Variants in BCHE observed in about 807,000 individuals in gnomAD.
The protein encoded by BCHE is cholinesterase.
Under a neutral mutation model 51.3 loss-of-function variants are expected in BCHE, and 48 were observed. That is an observed-to-expected ratio of 0.94 (90% CI 0.74 to 1.19). The LOEUF (loss-of-function observed/expected upper bound fraction) is 1.19, where lower values mean the gene tolerates loss of function less well. BCHE is among the 50% of genes most tolerant of loss of function. BCHE has a pLI of 0.00. For synonymous variants in BCHE, 251 were observed against 238.0 expected (o/e 1.05, Z -0.50); for missense variants, 847 against 708.2 (o/e 1.20, Z -2.23).
chr3:165,794,746 A>G (rs998879773), intron 2 of BCHE, among the ~76,000 whole-genome samples: 2 of 152,126 alleles, frequency 1.3e-5, no homozygotes, highest in Non-Finnish European at 2.9e-5. Flanking sequence ...TAGAGCAGAC[A>G]AACATGTGTG....
intron 3 of BCHE, among the ~76,000 whole-genome samples, chr3:165,779,377 C>T (rs1361159056): frequency 2.0e-5 from 3 of 152,112 alleles, no homozygotes; most frequent in Non-Finnish European, 4.4e-5. Context: ...ACAAGGATGC[C>T]GTCTCTCACT....
At chr3:165,833,472 G>T (rs958767459) in intron 1 of BCHE, among the ~76,000 whole-genome samples, 1 of 151,966 alleles carries the variant, frequency 6.6e-6, no homozygotes, top group Non-Finnish European at 1.5e-5. Context: ...GTTAGAAAAT[G>T]GTAACTGTAT....
intron 2 of BCHE, among the ~76,000 whole-genome samples, chr3:165,797,062 C>G (rs986843111): frequency 5.3e-5 from 8 of 152,006 alleles, no homozygotes; most frequent in African/African-American, 1.9e-4. Context: ...ATGAATTGGG[C>G]TGAATACTAA....
At chr3:165,806,421 T>C (rs2108217986) in intron 2 of BCHE, among the ~76,000 whole-genome samples, 1 of 152,328 alleles carries the variant, frequency 6.6e-6, no homozygotes, top group Middle Eastern at 3.4e-3. Flanking sequence ...AGTATAGTTC[T>C]CATTATGTGG....
At chr3:165,813,403 T>C (rs1343927342) in intron 2 of BCHE, among the ~76,000 whole-genome samples, 2 of 151,720 alleles carry the variant, frequency 1.3e-5, no homozygotes, top group Non-Finnish European at 2.9e-5. Flanking sequence ...TTCATCATCT[T>C]ATTCTTTTCC....
rs755117040 is a variant in BCHE, at chr3:165,786,190, A to G, written c.1639T>C (p.Cys547Arg). Residue 547 changes from cysteine to arginine, a missense_variant, in exon 3 of 4, where the codon TGT becomes CGT. By Grantham distance (180) the Cys-to-Arg change is radical (BLOSUM62 -3). Coordinates refer to ENST00000264381, the MANE Select transcript of BCHE (RefSeq NM_000055.4). ...RIMTKLRAQQ[C>R]RFWTSFFPKV... is the part of the protein sequence containing the mutation. Reference sequence around the variant, plus strand: ...GGAAAAAATGATGTCCAGAATCGACATTGTTGAGCACGTAGTTTCGTCATT... The same window carrying G: ...GGAAAAAATGATGTCCAGAATCGACGTTGTTGAGCACGTAGTTTCGTCATT... 1.2e-6 allele frequency: 2 copies of G among 1,612,354 alleles called. No individual in the cohort carries two copies. The highest frequency in any genetic ancestry group is 1.7e-6 in the Non-Finnish European group (2 of 1,178,766).
intron 2 of BCHE, among the ~76,000 whole-genome samples, chr3:165,824,770 GATAA>G (rs1714658020): frequency 6.6e-6 from 1 of 151,512 alleles, no homozygotes; most frequent in South Asian, 2.1e-4. Context: ...AACTGTTAGG[GATAA>G]ATTTAGTTAA....
chr3:165,799,080 CTT>C (rs1713537310), intron 2 of BCHE, among the ~76,000 whole-genome samples: 1 of 152,052 alleles, frequency 6.6e-6, no homozygotes, highest in Non-Finnish European at 1.5e-5. Flanking sequence ...TGACAGATAA[CTT>C]AGAAAACTTT....
intron 2 of BCHE, among the ~76,000 whole-genome samples, chr3:165,820,344 T>C (rs1002434744): frequency 1.3e-5 from 2 of 152,108 alleles, no homozygotes; most frequent in Non-Finnish European, 2.9e-5. Flanking sequence ...TACATTACAC[T>C]AATGGGTATC....
chr3:165,794,948 A>G (rs1713311999), intron 2 of BCHE, among the ~76,000 whole-genome samples: 1 of 152,140 alleles, frequency 6.6e-6, no homozygotes, highest in South Asian at 2.1e-4. Context: ...AGAGAAAATC[A>G]GTCTTATCTA....
At chr3:165,788,976 T>C (rs1713066344) in intron 2 of BCHE, among the ~76,000 whole-genome samples, 1 of 152,182 alleles carries the variant, frequency 6.6e-6, no homozygotes, top group South Asian at 2.1e-4. Context: ...TCTGTCTGTA[T>C]CAATTAAAAG....
chr3:165,807,548 T>TTTTATTTA (rs1553776080), intron 2 of BCHE, among the ~76,000 whole-genome samples: 2 of 150,786 alleles, frequency 1.3e-5, no homozygotes, highest in African/African-American at 4.9e-5. Flanking sequence ...ATTTATTTAT[T>TTTTATTTA]TTTATTTATT....
intron 3 of BCHE, among the ~76,000 whole-genome samples, chr3:165,776,609 G>A (rs1712481285): frequency 6.6e-6 from 1 of 151,726 alleles, no homozygotes; most frequent in Non-Finnish European, 1.5e-5. Context: ...CTTTAAACAA[G>A]ATAAAAATTA....
chr3:165,785,305 A>G (rs1712900964), intron 3 of BCHE, among the ~76,000 whole-genome samples: 1 of 151,860 alleles, frequency 6.6e-6, no homozygotes, highest in South Asian at 2.1e-4. Context: ...CTGATGGCTG[A>G]AAATCAATTA....
chr3:165,790,313 T>C (rs552882551), intron 2 of BCHE, among the ~76,000 whole-genome samples: 1 of 152,244 alleles, frequency 6.6e-6, no homozygotes, highest in East Asian at 1.9e-4. Flanking sequence ...GCTTCTTAGA[T>C]TGGCAATACT....
chr3:165,829,093 T>A (rs1228940073), intron 2 of BCHE, among the ~76,000 whole-genome samples: 1 of 152,106 alleles, frequency 6.6e-6, no homozygotes, highest in Non-Finnish European at 1.5e-5. Context: ...ATACATTACT[T>A]CATGTATCAG....
intron 2 of BCHE, among the ~76,000 whole-genome samples, chr3:165,790,069 GA>G (rs1249050774): frequency 3.9e-5 from 6 of 152,008 alleles, no homozygotes; most frequent in Non-Finnish European, 8.8e-5. Flanking sequence ...GTGTGTGTGT[GA>G]GGGGGGGATG....
At chr3:165,804,273 C>G (rs895614134) in intron 2 of BCHE, among the ~76,000 whole-genome samples, 1 of 151,780 alleles carries the variant, frequency 6.6e-6, no homozygotes, top group Non-Finnish European at 1.5e-5. Flanking sequence ...TAAAAGTGGG[C>G]AATTGGTAGA....
intron 2 of BCHE, among the ~76,000 whole-genome samples, chr3:165,797,763 CCA>C (rs1262234747): frequency 1.3e-5 from 2 of 152,028 alleles, no homozygotes; most frequent in African/African-American, 2.4e-5. Flanking sequence ...GGCAGCAAGC[CCA>C]CAGTTTCAGG....
Sources: gnomAD v4.1 joint callset for allele counts (sites outside exome capture counted in the v4.1 genomes callset) on GRCh38, gnomAD v4.1.1 for gene constraint, MANE v1.5 for transcripts, NCBI Gene and HGNC (gene_info 2026-07-23, HGNC 2026-07-21) for gene names.